The following CNTNAP2 variants were observed in gnomAD, a reference collection of about 807,000 sequenced individuals.
CNTNAP2 encodes the protein contactin associated protein 2.
A neutral mutation model predicts 155.2 loss-of-function variants in CNTNAP2; 98 were observed. The ratio of observed to expected loss-of-function variants is 0.63; its 90% CI spans 0.54 to 0.75. The LOEUF is 0.75. Ranked by LOEUF, CNTNAP2 falls within the 30% of genes least tolerant of loss-of-function variation. CNTNAP2 has a pLI of 0.00. For synonymous variants in CNTNAP2, 651 were observed against 631.2 expected (o/e 1.03, Z -0.47); for missense variants, 1,727 against 1,688.1 (o/e 1.02, Z -0.40).
intron 8 of CNTNAP2, among the ~76,000 whole-genome samples, chr7:147,238,526 A>G (rs1490458127): frequency 6.6e-6 from 1 of 152,082 alleles, no homozygotes; most frequent in African/African-American, 2.4e-5. Flanking sequence ...TTTCAATGGA[A>G]TGCTATCGAA....
chr7:146,507,479 C>T (rs113218423), intron 1 of CNTNAP2, among the ~76,000 whole-genome samples: 9,789 of 152,230 alleles, frequency 0.064, 778 homozygotes, highest in African/African-American at 0.19. Context: ...CTGTTTTTGT[C>T]AACTGATACA....
At chr7:146,868,694 G>A (rs897316479) in intron 3 of CNTNAP2, among the ~76,000 whole-genome samples, 2 of 152,016 alleles carry the variant, frequency 1.3e-5, no homozygotes, top group Non-Finnish European at 1.5e-5. Context: ...ATTTCCTTGA[G>A]CAGTGTTTTG....
At chr7:147,458,353 A>T (rs901627361) in intron 10 of CNTNAP2, among the ~76,000 whole-genome samples, 12 of 152,036 alleles carry the variant, frequency 7.9e-5, no homozygotes, top group Non-Finnish European at 1.2e-4. Context: ...AAATTAATCA[A>T]ATTGCAAGCT....
intron 8 of CNTNAP2, among the ~76,000 whole-genome samples, chr7:147,276,012 C>T (rs766694607): frequency 2.0e-5 from 3 of 151,854 alleles, no homozygotes; most frequent in Non-Finnish European, 4.4e-5. Flanking sequence ...ATAAAACCCC[C>T]TTGATTGTGA....
rs1805232363 is a variant in CNTNAP2, at chr7:148,148,240, AAG to A, written c.2773+533_2773+534del. Among the ~76,000 whole-genome samples, 11 of 152,350 alleles carry A rather than the reference AAG, an allele frequency of 7.2e-5. 1 individual carries two copies. The South Asian group carries it at 2.3e-3, about 32-fold the overall frequency. On this transcript the variant is annotated intron_variant, in intron 17 of 23. Coordinates refer to ENST00000361727, the MANE Select transcript of CNTNAP2 (RefSeq NM_014141.6). ...CATAGGAAAAAAGATCAGTACAAAAAAGAAATTTAAACAGATCAAAAAGTTAA... is the reference window on the plus strand; with the variant it reads ...CATAGGAAAAAAGATCAGTACAAAAAAAATTTAAACAGATCAAAAAGTTAA...
chr7:146,876,375 A>T (rs1795428978), intron 3 of CNTNAP2, among the ~76,000 whole-genome samples: 1 of 152,094 alleles, frequency 6.6e-6, no homozygotes, highest in Non-Finnish European at 1.5e-5. Context: ...TTATTTTGGA[A>T]TTTTTCTCTT....
chr7:146,163,487 C>CTA (rs1562973061), intron 1 of CNTNAP2, among the ~76,000 whole-genome samples: 1 of 134,732 alleles, frequency 7.4e-6, no homozygotes, highest in Non-Finnish European at 1.6e-5. Flanking sequence ...ATATATCTAT[C>CTA]TATATCTATA....
intron 22 of CNTNAP2, among the ~76,000 whole-genome samples, chr7:148,399,648 CT>C (rs1412473536): frequency 6.6e-6 from 1 of 152,182 alleles, no homozygotes; most frequent in Non-Finnish European, 1.5e-5. Context: ...TAAACTCCCC[CT>C]CTCCAACATT....
intron 1 of CNTNAP2, among the ~76,000 whole-genome samples, chr7:146,249,656 T>C (rs1799724840): frequency 1.3e-5 from 2 of 152,210 alleles, no homozygotes; most frequent in African/African-American, 2.4e-5. Context: ...ATGGCATGAG[T>C]TGCTTTTCTT....
intron 3 of CNTNAP2, among the ~76,000 whole-genome samples, chr7:146,875,996 A>C (rs917258673): frequency 2.0e-5 from 3 of 148,906 alleles, no homozygotes; most frequent in Non-Finnish European, 3.0e-5. Context: ...GAACAAAAAC[A>C]TCTTTTTGGG....
chr7:146,416,320 A>G, intron 1 of CNTNAP2, among the ~76,000 whole-genome samples: 1 of 151,544 alleles, frequency 6.6e-6, no homozygotes, highest in Admixed American at 6.6e-5. Flanking sequence ...TAAGAATATA[A>G]ATGTTAAGGA....
rs536407050 is a variant in CNTNAP2, at chr7:147,100,333, AT to A, written c.551-7808del. 1.6e-3 allele frequency among the ~76,000 whole-genome samples: 237 copies of A among 152,276 alleles called. 1 individual carries two copies. Among genetic ancestry groups the A allele is most frequent in the African/African-American group, 5.5e-3 (229 of 41,552 alleles). On this transcript the variant is annotated intron_variant, in intron 4 of 23. Coordinates refer to ENST00000361727, the MANE Select transcript of CNTNAP2 (RefSeq NM_014141.6). ...GCCATTTATGGTTTATCATATATAC[AT>A]TTTTTATGGAGTAAGTCAAAAATTA...
intron 8 of CNTNAP2, among the ~76,000 whole-genome samples, chr7:147,166,510 A>C (rs1802116457): frequency 6.6e-6 from 1 of 152,092 alleles, no homozygotes; most frequent in South Asian, 2.1e-4. Flanking sequence ...TCATGTACCA[A>C]ATACCAGCTG....
intron 15 of CNTNAP2, among the ~76,000 whole-genome samples, chr7:148,046,305 A>G (rs1802773298): frequency 6.6e-6 from 1 of 152,130 alleles, no homozygotes; most frequent in Non-Finnish European, 1.5e-5. Flanking sequence ...CTGAGCAATT[A>G]TAGTACTATG....
chr7:146,664,102 A>C lies in CNTNAP2; in HGVS notation c.98-110169A>C, dbSNP rs1030176710. ...TGAATTCTGTTAAATCATTTTTATC[A>C]TGCGTAAAGATGAGCATATACTTTC... is the stretch of plus-strand genomic sequence containing the variant. On this transcript the variant is annotated intron_variant, in intron 1 of 23. Transcript: ENST00000361727. 2.0e-5 allele frequency among the ~76,000 whole-genome samples: 3 copies of C among 149,728 alleles called. No homozygotes were observed. In the Admixed American group the frequency reaches 2.0e-4, roughly 10 times the overall value.
At chr7:146,169,601 T>A (rs1798359970) in intron 1 of CNTNAP2, among the ~76,000 whole-genome samples, 1 of 152,088 alleles carries the variant, frequency 6.6e-6, no homozygotes, top group African/African-American at 2.4e-5. Context: ...CAGAACTTAT[T>A]CATCTTAAAA....
At chr7:148,186,222 A>G (rs952534043) in intron 18 of CNTNAP2, among the ~76,000 whole-genome samples, 1 of 152,168 alleles carries the variant, frequency 6.6e-6, no homozygotes, top group South Asian at 2.1e-4. Context: ...TTTATTAAAC[A>G]TTTCCTGTTA....
chr7:147,517,133 G>T (rs570044717), intron 11 of CNTNAP2, among the ~76,000 whole-genome samples: 1 of 151,836 alleles, frequency 6.6e-6, no homozygotes, highest in Admixed American at 6.6e-5. Flanking sequence ...ACCTCCCAAG[G>T]TACTAGGATT....
intron 9 of CNTNAP2, among the ~76,000 whole-genome samples, chr7:147,350,278 A>G (rs1219967450): frequency 1.3e-5 from 2 of 151,956 alleles, no homozygotes; most frequent in Non-Finnish European, 2.9e-5. Flanking sequence ...TGTGAAAATA[A>G]CACAAGATTT....
Sources: gnomAD v4.1 joint callset for allele counts (sites outside exome capture counted in the v4.1 genomes callset) on GRCh38, gnomAD v4.1.1 for gene constraint, MANE v1.5 for transcripts, NCBI Gene and HGNC (gene_info 2026-07-23, HGNC 2026-07-21) for gene names.